NBEA: variants seen among roughly 807,000 people sequenced by gnomAD.
The protein encoded by NBEA is lysosomal-trafficking regulator 2.
NBEA carries 44 observed loss-of-function variants against 343.4 expected under a neutral mutation model. The observed-to-expected ratio is 0.13, with a 90% CI of 0.10 to 0.16. NBEA has a LOEUF of 0.16. NBEA is among the 10% of genes least tolerant of loss of function. The pLI is 1.00. For synonymous variants in NBEA, 1,175 were observed against 1,238.7 expected (o/e 0.95, Z 1.08); for missense variants, 2,555 against 3,631.3 (o/e 0.70, Z 7.62).
intron 1 of NBEA, among the ~76,000 whole-genome samples, chr13:35,020,944 T>C (rs1361424338): frequency 1.3e-5 from 2 of 152,334 alleles, no homozygotes; most frequent in East Asian, 3.9e-4. Flanking sequence ...TTCATTTGTA[T>C]AGGCTTTGCT....
chr13:34,950,325 G>T (rs190047559), intron 1 of NBEA, among the ~76,000 whole-genome samples: 20 of 152,208 alleles, frequency 1.3e-4, no homozygotes, highest in Admixed American at 7.9e-4. Context: ...TTCTACTTGA[G>T]AACAGAGCTG....
At chr13:34,947,838 T>G (rs1452941895) in intron 1 of NBEA, among the ~76,000 whole-genome samples, 2 of 152,214 alleles carry the variant, frequency 1.3e-5, no homozygotes, top group East Asian at 1.9e-4. Flanking sequence ...TAAAGTCAAC[T>G]CATATAAACT....
chr13:35,178,193 C>A (rs2071049726), intron 28 of NBEA, among the ~76,000 whole-genome samples: 1 of 151,664 alleles, frequency 6.6e-6, no homozygotes, highest in Non-Finnish European at 1.5e-5. Flanking sequence ...GAAAGCTGCT[C>A]TGTCAAATAT....
intron 1 of NBEA, among the ~76,000 whole-genome samples, chr13:34,965,626 A>G (rs2059796511): frequency 6.6e-6 from 1 of 151,810 alleles, no homozygotes; most frequent in African/African-American, 2.4e-5. Context: ...CTTTAGATTT[A>G]GCTTCTATAT....
At chr13:35,052,901 T>A (rs1224760365) in intron 6 of NBEA, among the ~76,000 whole-genome samples, 3 of 152,162 alleles carry the variant, frequency 2.0e-5, no homozygotes, top group Admixed American at 2.0e-4. Flanking sequence ...GTATTAATTA[T>A]CTTAAGTTAA....
intron 47 of NBEA, among the ~76,000 whole-genome samples, chr13:35,598,688 G>A (rs2798338): frequency 0.45 from 67,775 of 151,976 alleles, 17,045 homozygotes; most frequent in Admixed American, 0.6. Context: ...TCCCTTTCTC[G>A]TGAATCACTC....
At chr13:35,293,386 A>G (rs2035921201) in intron 35 of NBEA, among the ~76,000 whole-genome samples, 1 of 151,986 alleles carries the variant, frequency 6.6e-6, no homozygotes, top group South Asian at 2.1e-4. Flanking sequence ...TCTGATATAG[A>G]TCTTATGATA....
intron 1 of NBEA, among the ~76,000 whole-genome samples, chr13:35,013,290 A>G (rs2061545939): frequency 6.6e-6 from 1 of 152,128 alleles, no homozygotes; most frequent in Non-Finnish European, 1.5e-5. Flanking sequence ...CCCCACCCCT[A>G]GAAACTTACT....
intron 49 of NBEA, among the ~76,000 whole-genome samples, chr13:35,641,859 G>A (rs2153073802): frequency 6.6e-6 from 1 of 151,944 alleles, no homozygotes; most frequent in Admixed American, 6.6e-5. Context: ...CATTCATCAA[G>A]CTGTACACTT....
At chr13:35,299,673 A>G (rs2036399137) in intron 35 of NBEA, among the ~76,000 whole-genome samples, 1 of 152,216 alleles carries the variant, frequency 6.6e-6, no homozygotes, top group Non-Finnish European at 1.5e-5. Flanking sequence ...GTCCCCATGA[A>G]AATAAAAGGT....
At chr13:35,494,686 T>C (rs960448330) in intron 41 of NBEA, among the ~76,000 whole-genome samples, 1 of 151,936 alleles carries the variant, frequency 6.6e-6, no homozygotes, top group Non-Finnish European at 1.5e-5. Context: ...ACCATATCAA[T>C]AATAGCATTA....
chr13:35,466,300 G>A (rs1247996310), intron 40 of NBEA, among the ~76,000 whole-genome samples: 3 of 152,188 alleles, frequency 2.0e-5, no homozygotes, highest in African/African-American at 7.2e-5. Flanking sequence ...TGAAAACAGT[G>A]AGCTTTTGTG....
intron 53 of NBEA, 79 bp from the exon 54 acceptor site, chr13:35,654,776 G>A (rs2084731219): frequency 1.8e-6 from 2 of 1,111,472 alleles, no homozygotes; most frequent in Non-Finnish European, 2.5e-6. Context: ...AAGCATGAAA[G>A]TATTGTTTTC....
intron 38 of NBEA, 83 bp from the exon 39 acceptor site, chr13:35,432,186 A>C: frequency 8.0e-7 from 1 of 1,247,960 alleles, no homozygotes; most frequent in African/African-American, 1.5e-5. Context: ...AGACCAACAA[A>C]ATAACTTCAA....
intron 49 of NBEA, 82 bp downstream of exon 49, chr13:35,628,330 A>G (rs778804641): frequency 1.2e-4 from 137 of 1,122,988 alleles, no homozygotes; most frequent in Non-Finnish European, 1.6e-4. Flanking sequence ...TTTCTGTATA[A>G]TTTTGTTTTC....
At chr13:35,451,090 A>G (rs972702975) in intron 39 of NBEA, among the ~76,000 whole-genome samples, 4 of 152,042 alleles carry the variant, frequency 2.6e-5, no homozygotes, top group East Asian at 1.9e-4. Flanking sequence ...TTTTCTGCTT[A>G]TTTTCATGTG....
At chr13:35,385,984 G>A (rs542094064) in intron 38 of NBEA, among the ~76,000 whole-genome samples, 92 of 151,948 alleles carry the variant, frequency 6.1e-4, no homozygotes, top group African/African-American at 2.2e-3. Flanking sequence ...AAATATAATG[G>A]TATTTCAGGT....
chr13:35,418,147 A>G (rs961509085), intron 38 of NBEA, among the ~76,000 whole-genome samples: 3 of 152,014 alleles, frequency 2.0e-5, no homozygotes, highest in Admixed American at 6.6e-5. Flanking sequence ...TGCATGTGAG[A>G]TGTGTCTCCT....
Position 35,615,323 on chromosome 13 carries a change from T to C in NBEA, c.7449+8745T>C, listed in dbSNP as rs1171691516. ...AAAAAAAAAATTAGCTGAGGAGTTATTGACCTGAAACCCATTGAGGTAAAA... is the reference window on the plus strand; with the variant it reads ...AAAAAAAAAATTAGCTGAGGAGTTACTGACCTGAAACCCATTGAGGTAAAA... On this transcript the variant is annotated intron_variant, in intron 48 of 58. Transcript: ENST00000379939. Among the ~76,000 whole-genome samples the C allele has an allele frequency of 3.3e-5, 5 of 151,214 alleles. No individual in the cohort carries two copies. The East Asian group carries it at 9.8e-4, about 30-fold the overall frequency.
Sources: gnomAD v4.1 joint callset for allele counts (sites outside exome capture counted in the v4.1 genomes callset) on GRCh38, gnomAD v4.1.1 for gene constraint, MANE v1.5 for transcripts, NCBI Gene and HGNC (gene_info 2026-07-23, HGNC 2026-07-21) for gene names.